Variants in CCDC7 observed in about 807,000 individuals in gnomAD.
The protein encoded by CCDC7 is coiled-coil domain containing 7.
In CCDC7, 183 loss-of-function variants were observed where a neutral mutation model predicts 196.9. The ratio of observed to expected loss-of-function variants is 0.93; its 90% CI spans 0.82 to 1.05. The LOEUF (loss-of-function observed/expected upper bound fraction) is 1.05. Ranked by LOEUF, CCDC7 falls within the 50% of genes least tolerant of loss-of-function variation. CCDC7 has a pLI of 0.00. For missense variants in CCDC7, 1,540 were observed against 1,482.2 expected, an observed-to-expected ratio of 1.04 and a Z score of -0.64; for synonymous variants, 525 against 484.6, an observed-to-expected ratio of 1.08 and a Z score of -1.10.
intron 29 of CCDC7, among the ~76,000 whole-genome samples, chr10:32,796,326 GC>G (rs1167774452): frequency 5.1e-4 from 78 of 152,172 alleles, no homozygotes; most frequent in African/African-American, 1.9e-3. Flanking sequence ...AAAATCAGAA[GC>G]TTTCAATACT....
intron 2 of CCDC7, among the ~76,000 whole-genome samples, chr10:32,455,314 A>G (rs776447525): frequency 6.8e-6 from 1 of 146,692 alleles, no homozygotes; most frequent in Non-Finnish European, 1.5e-5. Flanking sequence ...TATTTATTTT[A>G]TTTTATTTTT....
At chr10:32,710,397 TCA>T (rs1316927184) in intron 24 of CCDC7, among the ~76,000 whole-genome samples, 1 of 152,206 alleles carries the variant, frequency 6.6e-6, no homozygotes, top group East Asian at 1.9e-4. Flanking sequence ...CTGAAAACTT[TCA>T]GTCTCATCTG....
rs186689342 is a variant in CCDC7 at position 32,711,024 on chromosome 10, G to A, written c.2459-596G>A. Among the ~76,000 whole-genome samples, 8 of 152,208 alleles carry A rather than the reference G, an allele frequency of 5.3e-5. No individual in the cohort carries two copies. The East Asian group carries it at 7.7e-4, about 15-fold the overall frequency. On this transcript the variant is annotated intron_variant, in intron 24 of 41. Transcript: ENST00000639629. ...AGGGTAACTTCTCACTGTATGTACA[G>A]CCATGTGTACCATATCATAAACCAT...
chr10:32,781,642 G>A (rs72782283), intron 29 of CCDC7, among the ~76,000 whole-genome samples: 13,530 of 152,106 alleles, frequency 0.089, 863 homozygotes, highest in East Asian at 0.33. Flanking sequence ...GCTAGGAATA[G>A]AGCACTTCCA....
intron 24 of CCDC7, among the ~76,000 whole-genome samples, chr10:32,709,149 G>A (rs992669948): frequency 2.0e-5 from 3 of 151,668 alleles, no homozygotes; most frequent in African/African-American, 7.3e-5. Context: ...CCATAAAAAA[G>A]GATGAGTTCA....
chr10:32,598,766 GA>G (rs1400181498), intron 18 of CCDC7, among the ~76,000 whole-genome samples: 1 of 152,124 alleles, frequency 6.6e-6, no homozygotes, highest in Non-Finnish European at 1.5e-5. Context: ...AATTATATTA[GA>G]AAAGATACTT....
At chr10:32,731,229 T>C (rs563272617) in intron 28 of CCDC7, among the ~76,000 whole-genome samples, 2 of 152,296 alleles carry the variant, frequency 1.3e-5, no homozygotes, top group African/African-American at 4.8e-5. Flanking sequence ...AAGTCTATTT[T>C]GTCTGACATT....
At chr10:32,701,881 T>C (rs1187452757) in intron 24 of CCDC7, among the ~76,000 whole-genome samples, 1 of 152,196 alleles carries the variant, frequency 6.6e-6, no homozygotes, top group African/African-American at 2.4e-5. Flanking sequence ...TATCATTTTT[T>C]ATTGCGTCAA....
Position 32,805,117 on chromosome 10 carries a change from G to A in CCDC7, c.3097+19G>A. ...TTCCCTGGTAAGAAAATATTTTTAA[G>A]TCTAATATTTCTCATTTATTTTTCT... On this transcript the variant is annotated intron_variant, in intron 30 of 41. Coordinates refer to ENST00000639629, the Ensembl canonical transcript of CCDC7. 1 of 1,522,318 alleles carries A rather than the reference G, an allele frequency of 6.6e-7. No homozygotes were observed. Among genetic ancestry groups the A allele is most frequent in the Non-Finnish European group, 9.1e-7 (1 of 1,099,104 alleles). 94.3% of individuals were successfully genotyped at this position (1,522,318 alleles called of 1,614,324 possible). A position where few individuals can be genotyped will look rare whatever the true frequency, so the allele number is the denominator to read the frequency against.
intron 29 of CCDC7, among the ~76,000 whole-genome samples, chr10:32,790,396 G>T (rs571651492): frequency 2.0e-5 from 3 of 152,322 alleles, no homozygotes; most frequent in East Asian, 1.9e-4. Flanking sequence ...CACCAAGGCC[G>T]ACTGCTTGTG....
At chr10:32,521,704 C>T (rs2135600876) in intron 11 of CCDC7, among the ~76,000 whole-genome samples, 1 of 151,174 alleles carries the variant, frequency 6.6e-6, no homozygotes, top group African/African-American at 2.4e-5. Flanking sequence ...TTTCTCTTAT[C>T]TGATTGCTCT....
chr10:32,719,419 A>T (rs1217794053), intron 25 of CCDC7, among the ~76,000 whole-genome samples: 1 of 152,202 alleles, frequency 6.6e-6, no homozygotes, highest in Non-Finnish European at 1.5e-5. Context: ...AACCATAAAA[A>T]CCCTAGAAGA....
At chr10:32,505,240 A>C (rs902021598) in intron 9 of CCDC7, among the ~76,000 whole-genome samples, 1 of 150,428 alleles carries the variant, frequency 6.6e-6, no homozygotes, top group East Asian at 2.0e-4. Context: ...GGAGAGGGGG[A>C]TGTGGCAGGG....
At chr10:32,862,296 C>T (rs1336223123) in intron 41 of CCDC7, among the ~76,000 whole-genome samples, 1 of 151,874 alleles carries the variant, frequency 6.6e-6, no homozygotes, top group African/African-American at 2.4e-5. Flanking sequence ...AACCATCATT[C>T]ACAGCAAACT....
intron 8 of CCDC7, among the ~76,000 whole-genome samples, chr10:32,484,739 G>T (rs1395046612): frequency 6.6e-6 from 1 of 152,134 alleles, no homozygotes; most frequent in African/African-American, 2.4e-5. Flanking sequence ...GGCCTTTTCT[G>T]CATCTATTGA....
Position 32,511,274 on chromosome 10 carries a change from GA to G in CCDC7, c.873-6668del, listed in dbSNP as rs3031280. 3.0e-3 allele frequency: 2,300 copies of G among 773,872 alleles called. 7 individuals carry two copies. Among genetic ancestry groups the G allele is most frequent in the Middle Eastern group, 9.0e-3 (23 of 2,544 alleles). 47.9% of individuals were successfully genotyped at this position (773,872 alleles called of 1,614,324 possible). A position where few individuals can be genotyped will look rare whatever the true frequency, so the allele number is the denominator to read the frequency against. On this transcript the variant is annotated intron_variant, in intron 9 of 41. Transcript: ENST00000639629. ...TTCTGTGGGGGGCGGGGGGGGCGGG[GA>G]AATGTACTTTTTGAATATGTGTACA... is the stretch of plus-strand genomic sequence containing the variant.
At chr10:32,595,226 G>T (rs1407114106) in intron 18 of CCDC7, among the ~76,000 whole-genome samples, 1 of 152,076 alleles carries the variant, frequency 6.6e-6, no homozygotes, top group South Asian at 2.1e-4. Flanking sequence ...CAATTTCAGA[G>T]CCTGTTATTG....
At chr10:32,801,238 G>A (rs1184433288) in intron 29 of CCDC7, among the ~76,000 whole-genome samples, 1 of 152,134 alleles carries the variant, frequency 6.6e-6, no homozygotes, top group Non-Finnish European at 1.5e-5. Flanking sequence ...CTCCCAGCTG[G>A]GATGAGTAGG....
At chr10:32,650,360 C>T (rs1031371660) in intron 20 of CCDC7, among the ~76,000 whole-genome samples, 2 of 152,188 alleles carry the variant, frequency 1.3e-5, no homozygotes, top group Non-Finnish European at 2.9e-5. Context: ...CTTAACCACA[C>T]ATTTCCTTTG....
Sources: gnomAD v4.1 joint callset for allele counts (sites outside exome capture counted in the v4.1 genomes callset) on GRCh38, gnomAD v4.1.1 for gene constraint, MANE v1.5 for transcripts, NCBI Gene and HGNC (gene_info 2026-07-23, HGNC 2026-07-21) for gene names.